Variants in RBPMS2 observed in about 807,000 individuals in gnomAD.
The protein encoded by RBPMS2 is RNA binding protein, mRNA processing factor 2.
Under a neutral mutation model 25.7 loss-of-function variants are expected in RBPMS2, and 14 were observed. The ratio of observed to expected loss-of-function variants is 0.55; its 90% CI spans 0.36 to 0.85. RBPMS2 has a LOEUF of 0.85. RBPMS2 is among the 40% of genes least tolerant of loss of function. The pLI is 0.01. For synonymous variants in RBPMS2, 127 were observed against 115.6 expected, an observed-to-expected ratio of 1.10 and a Z score of -0.63; for missense variants, 252 against 283.4, an observed-to-expected ratio of 0.89 and a Z score of 0.80.
At position 64,739,951 on chromosome 15, in the gene RBPMS2, A is replaced by G. The variant is rs1272737482; in HGVS notation, c.*1057T>C. 1.3e-5 allele frequency: 2 copies of G among 152,630 alleles called. No individual in the cohort carries two copies. The highest frequency in any genetic ancestry group is 4.8e-5 in the African/African-American group (2 of 41,452). 9.5% of individuals were successfully genotyped at this position (152,630 alleles called of 1,614,324 possible). A position where few individuals can be genotyped will look rare whatever the true frequency, so the allele number is the denominator to read the frequency against. On this transcript the variant is annotated 3_prime_UTR_variant, in exon 8 of 8. Coordinates refer to ENST00000300069, the MANE Select transcript of RBPMS2 (RefSeq NM_194272.3). ...TTATCCAGTTTCACATTCTCACAGG[A>G]TCAGCAATGACAACAGCCGCCTCAT...
At chr15:64,750,148 G>A (rs1283402154) in intron 3 of RBPMS2, among the ~76,000 whole-genome samples, 195 bp downstream of exon 3, 4 of 152,184 alleles carry the variant, frequency 2.6e-5, no homozygotes, top group African/African-American at 9.7e-5. Context: ...GGGAGGACCA[G>A]GAGCTGGCTG....
At chr15:64,752,844 G>A (rs1335514508) in intron 1 of RBPMS2, among the ~76,000 whole-genome samples, 1 of 152,044 alleles carries the variant, frequency 6.6e-6, no homozygotes, top group African/African-American at 2.4e-5. Context: ...ACTCCTGACC[G>A]CAAGTGATCC....
rs915382843 is a variant in RBPMS2 at position 64,775,386 on chromosome 15, G to A, written c.-67C>T. 1 of 963,464 alleles carries A rather than the reference G, an allele frequency of 1.0e-6. No homozygotes were observed. The allele number at this position is 963,464 out of a possible 1,614,324, so 59.7% of individuals were successfully genotyped here. ...CGCGGCGCCGGCCCCGCGGGAAGTG[G>A]GAAGGGGCGCGGGGAGCGGTGCGCT... On this transcript the variant is annotated 5_prime_UTR_variant, in exon 1 of 8. Coordinates refer to ENST00000300069, the MANE Select transcript of RBPMS2 (RefSeq NM_194272.3).
Position 64,750,385 on chromosome 15 carries a change from C to G in RBPMS2, c.166-4G>C. ...TGATCAGGGACCCTTCATACCCCTG[C>G]GGAGAGAGGTGGCTGTTACCGTGGA... On this transcript the variant is annotated splice_polypyrimidine_tract_variant and splice_region_variant and intron_variant, in intron 2 of 7. Coordinates refer to ENST00000300069, the MANE Select transcript of RBPMS2 (RefSeq NM_194272.3). 6.2e-7 allele frequency: 1 copy of G among 1,613,456 alleles called. No individual in the cohort carries two copies. The highest frequency in any genetic ancestry group is 8.5e-7 in the Non-Finnish European group (1 of 1,179,398).
At position 64,756,822 on chromosome 15, in the gene RBPMS2, G is replaced by T. The variant is rs35494493; in HGVS notation, c.88-5184C>A. On this transcript the variant is annotated intron_variant, in intron 1 of 7. Coordinates refer to ENST00000300069, the MANE Select transcript of RBPMS2 (RefSeq NM_194272.3). ...CGCCCAGCTCTTTTTTTTTTTTTTG[G>T]AGAGACAGGGTTTCACCACGTTGGC... 0.038 allele frequency among the ~76,000 whole-genome samples: 201 copies of T among 5,328 alleles called. 2 individuals are homozygous for T. In the East Asian group the frequency reaches 0.39, roughly 10 times the overall value. 3.5% of individuals were successfully genotyped at this position (5,328 alleles called of 152,430 possible).
intron 6 of RBPMS2, among the ~76,000 whole-genome samples, chr15:64,743,579 G>C (rs572645728): frequency 2.0e-5 from 3 of 152,222 alleles, no homozygotes; most frequent in Non-Finnish European, 4.4e-5. Flanking sequence ...GAGACCCCCA[G>C]GGGGCCAGGC....
intron 1 of RBPMS2, among the ~76,000 whole-genome samples, chr15:64,768,987 G>T (rs933892390): frequency 1.3e-5 from 2 of 148,512 alleles, no homozygotes; most frequent in Non-Finnish European, 3.0e-5. Flanking sequence ...TGTAGTCCCA[G>T]CTACTTGGGA....
rs576141419 is a variant in RBPMS2, at chr15:64,743,999, G to A, written c.568-2757C>T. ...CACACACCTGTAATCCCAGCAATTT[G>A]GGAGGCTGAGGCAGGAGGATCGTGC... On this transcript the variant is annotated intron_variant, in intron 6 of 7. Coordinates refer to ENST00000300069, the MANE Select transcript of RBPMS2 (RefSeq NM_194272.3). 7.9e-5 allele frequency among the ~76,000 whole-genome samples: 12 copies of A among 152,208 alleles called. No homozygotes were observed. The South Asian group carries it at 2.3e-3, about 29-fold the overall frequency.
rs1253419426 is a variant in RBPMS2, at chr15:64,767,940, A to T, written c.87+7293T>A. On this transcript the variant is annotated intron_variant, in intron 1 of 7. Coordinates refer to ENST00000300069, the MANE Select transcript of RBPMS2 (RefSeq NM_194272.3). ...GCCTTGGCCTCCCAAAATGCAGGGG[A>T]TTACAGGCATGAGCCAACATGCCTG... Among the ~76,000 whole-genome samples, 12 of 152,214 alleles carry T rather than the reference A, an allele frequency of 7.9e-5. No individual in the cohort carries two copies. In the South Asian group the frequency reaches 1.0e-3, roughly 13 times the overall value.
At chr15:64,774,385 C>T (rs1161576292) in intron 1 of RBPMS2, among the ~76,000 whole-genome samples, 4 of 152,180 alleles carry the variant, frequency 2.6e-5, no homozygotes, top group Non-Finnish European at 5.9e-5. Flanking sequence ...TCACTGATAT[C>T]TTTGAGGCTT....
chr15:64,773,846 TAG>T, intron 1 of RBPMS2, among the ~76,000 whole-genome samples: 1 of 152,206 alleles, frequency 6.6e-6, no homozygotes, highest in South Asian at 2.1e-4. Context: ...AACAGCCAGG[TAG>T]AGTCAGGATG....
At chr15:64,758,204 T>G (rs1047370597) in intron 1 of RBPMS2, among the ~76,000 whole-genome samples, 2 of 152,228 alleles carry the variant, frequency 1.3e-5, no homozygotes, top group Non-Finnish European at 2.9e-5. Context: ...ACGCATTCAC[T>G]TGGGCCCTTT....
In RBPMS2 at chr15:64,749,098, T is replaced by C; in HGVS notation, c.320A>G (p.Lys107Arg). The change falls in exon 5 of 8, where the codon AAA becomes AGA. Residue 107 changes from lysine (K) to arginine (R), a missense_variant. Lys to Arg is a conservative substitution (Grantham distance 26, BLOSUM62 2). Coordinates refer to ENST00000300069, the MANE Select transcript of RBPMS2 (RefSeq NM_194272.3). ...NPQTLRLEFA[K>R]ANTKMAKSKL... ...GCTCTTGGCCATCTTGGTGTTGGCT[T>C]TGGCAAACTCTAGCCTCAGAGTCTG... The C allele has an allele frequency of 6.2e-7, 1 of 1,614,138 alleles. No homozygotes were observed. The highest frequency in any genetic ancestry group is 2.2e-5 in the East Asian group (1 of 44,874).
At chr15:64,743,962 TG>T (rs2083589090) in intron 6 of RBPMS2, among the ~76,000 whole-genome samples, 1 of 151,778 alleles carries the variant, frequency 6.6e-6, no homozygotes, top group South Asian at 2.1e-4. Flanking sequence ...AAAAATTAGC[TG>T]GGCGTGGTAG....
chr15:64,754,108 T>A (rs1444690613), intron 1 of RBPMS2, among the ~76,000 whole-genome samples: 1 of 151,632 alleles, frequency 6.6e-6, no homozygotes, highest in Non-Finnish European at 1.5e-5. Context: ...GTCAAGAGTT[T>A]GAGACCAGCC....
rs1388387680 is a variant in RBPMS2 at position 64,759,482 on chromosome 15, G to A, written c.88-7844C>T. Among the ~76,000 whole-genome samples the A allele has an allele frequency of 4.6e-5, 7 of 152,140 alleles. No homozygotes were observed. In the South Asian group the frequency reaches 6.2e-4, roughly 14 times the overall value. ...TTTAGAGAAGAGAAGTAAGAAGAAGGGGCTCTGACAAACCCATTCCCATCT... is the reference window on the plus strand; with the variant it reads ...TTTAGAGAAGAGAAGTAAGAAGAAGAGGCTCTGACAAACCCATTCCCATCT... On this transcript the variant is annotated intron_variant, in intron 1 of 7. Transcript: ENST00000300069.
chr15:64,748,940 C>T (rs2083646442), intron 5 of RBPMS2, 60 bp downstream of exon 5: 8 of 1,581,654 alleles, frequency 5.1e-6, no homozygotes, highest in Non-Finnish European at 6.9e-6. Flanking sequence ...TCTGCAAGAG[C>T]CTGCAAGTCT....
chr15:64,761,765 T>C lies in RBPMS2; in HGVS notation c.88-10127A>G, dbSNP rs565952403. ...TCGCCCAGGCTGCAATGCAATGGCA[T>C]GATCTTGGCTCACTGCAACCTCCAC... On this transcript the variant is annotated intron_variant, in intron 1 of 7. Coordinates refer to ENST00000300069, the MANE Select transcript of RBPMS2 (RefSeq NM_194272.3). Among the ~76,000 whole-genome samples, 10 of 134,790 alleles carry C rather than the reference T, an allele frequency of 7.4e-5. 1 individual carries two copies. The highest frequency in any genetic ancestry group is 2.7e-4 in the African/African-American group (10 of 37,178). The allele number at this position is 134,790 out of a possible 152,430, so 88.4% of individuals were successfully genotyped here.
Position 64,741,206 on chromosome 15 carries a change from C to G in RBPMS2, c.604G>C (p.Gly202Arg). ...WYPSSDTTQQGWKYRQFC is the reference protein window; with the variant it reads ...WYPSSDTTQQRWKYRQFC The stretch of plus-strand genomic sequence containing the variant: ...TAACAGAACTGACGGTACTTCCATC[C>G]TTGCTGGGTGGTGTCAGAGGAAGGG... The change falls in exon 7 of 8, where the codon GGA becomes CGA. Residue 202 changes from glycine (G) to arginine (R), a missense_variant. Transcript: ENST00000300069. The G allele has an allele frequency of 6.3e-7, 1 of 1,591,090 alleles. No homozygotes were observed. The highest frequency in any genetic ancestry group is 8.6e-7 in the Non-Finnish European group (1 of 1,168,646).
Sources: gnomAD v4.1 joint callset for allele counts (sites outside exome capture counted in the v4.1 genomes callset) on GRCh38, gnomAD v4.1.1 for gene constraint, MANE v1.5 for transcripts, NCBI Gene and HGNC (gene_info 2026-07-23, HGNC 2026-07-21) for gene names.